The following SAMMSON variants were observed in gnomAD, a reference collection of about 807,000 sequenced individuals.
SAMMSON encodes survival associated mitochondrial melanoma specific oncogenic non-coding RNA.
chr3:70,166,205 T>C (rs1248231063), intron 4 of SAMMSON, among the ~76,000 whole-genome samples: 2 of 152,076 alleles, frequency 1.3e-5, no homozygotes, highest in East Asian at 1.9e-4. Context: ...ATTAGGCAGG[T>C]CACTTAACCT....
intron 3 of SAMMSON, among the ~76,000 whole-genome samples, chr3:70,025,458 G>A (rs2067033653): frequency 6.6e-6 from 1 of 152,246 alleles, no homozygotes; most frequent in African/African-American, 2.4e-5. Context: ...GACCAGGCTG[G>A]TCTTGAACTC....
chr3:70,296,556 CCTACATTT>C (rs560022092), intron 7 of SAMMSON, among the ~76,000 whole-genome samples: 238 of 152,120 alleles, frequency 1.6e-3, no homozygotes, highest in African/African-American at 5.5e-3. Context: ...TGGAATCTAC[CCTACATTT>C]CTCTCTGTGT....
At chr3:70,195,289 GAA>G (rs1013986878) in intron 4 of SAMMSON, among the ~76,000 whole-genome samples, 1 of 152,116 alleles carries the variant, frequency 6.6e-6, no homozygotes, top group Non-Finnish European at 1.5e-5. Context: ...CTGAAAAGCA[GAA>G]AGACTTTTTC....
intron 7 of SAMMSON, among the ~76,000 whole-genome samples, chr3:70,341,828 A>G (rs1330797501): frequency 7.8e-6 from 1 of 128,676 alleles, no homozygotes; most frequent in Non-Finnish European, 1.7e-5. Flanking sequence ...AGCACACGAT[A>G]GGCACTCCAA....
intron 4 of SAMMSON, among the ~76,000 whole-genome samples, chr3:70,103,900 G>A (rs1477261102): frequency 1.3e-5 from 2 of 151,804 alleles, no homozygotes; most frequent in African/African-American, 4.8e-5. Context: ...TACAATTAAG[G>A]TCATTGAATC....
intron 6 of SAMMSON, among the ~76,000 whole-genome samples, chr3:70,274,222 T>C (rs1285905735): frequency 3.3e-5 from 5 of 151,916 alleles, no homozygotes; most frequent in Non-Finnish European, 7.4e-5. Flanking sequence ...AGAAAGACAA[T>C]TGATATGTTT....
intron 9 of SAMMSON, among the ~76,000 whole-genome samples, chr3:70,363,463 A>G (rs1702893225): frequency 6.6e-6 from 1 of 152,038 alleles, no homozygotes; most frequent in Non-Finnish European, 1.5e-5. Context: ...ACCCTCTTAA[A>G]ACTGGTAAAT....
intron 4 of SAMMSON, among the ~76,000 whole-genome samples, chr3:70,213,046 G>A (rs183442517): frequency 2.0e-5 from 3 of 151,952 alleles, no homozygotes; most frequent in East Asian, 1.9e-4. Flanking sequence ...TGGGCTCAAG[G>A]GATTCACCTG....
At chr3:70,313,410 C>T (rs143977990) in intron 7 of SAMMSON, among the ~76,000 whole-genome samples, 20 of 149,950 alleles carry the variant, frequency 1.3e-4, no homozygotes, top group Admixed American at 9.3e-4. Flanking sequence ...CCTAGGAGGT[C>T]GGGGCAGCAG....
rs558193897 is a variant in SAMMSON, at chr3:70,311,333, A to C, written n.739+20090A>C. 2.6e-5 allele frequency among the ~76,000 whole-genome samples: 4 copies of C among 152,306 alleles called. No homozygotes were observed. The East Asian group carries it at 5.8e-4, about 22-fold the overall frequency. ...AATCACAGGTTTAGCTGTATTTTCA[A>C]AAGTGCGCAAATCTGTACTCATTAG... is the stretch of plus-strand genomic sequence containing the variant. On this transcript the variant is annotated intron_variant and non_coding_transcript_variant, in intron 7 of 9. Coordinates refer to ENST00000642114, the Ensembl canonical transcript of SAMMSON.
intron 3 of SAMMSON, among the ~76,000 whole-genome samples, chr3:70,028,418 A>G (rs2067051410): frequency 6.6e-6 from 1 of 152,116 alleles, no homozygotes; most frequent in Non-Finnish European, 1.5e-5. Flanking sequence ...CATTCACACA[A>G]TTGCAGCCAG....
chr3:70,204,727 T>G (rs1244182052), intron 4 of SAMMSON: 1 of 152,024 alleles, frequency 6.6e-6, no homozygotes, highest in East Asian at 1.9e-4. Flanking sequence ...TTGGGCCCTT[T>G]CCTGATAATA....
At chr3:70,055,241 C>T (rs2067162639) in intron 3 of SAMMSON, among the ~76,000 whole-genome samples, 1 of 152,042 alleles carries the variant, frequency 6.6e-6, no homozygotes, top group African/African-American at 2.4e-5. Flanking sequence ...GGAATATATA[C>T]ATATTTAAAT....
intron 6 of SAMMSON, among the ~76,000 whole-genome samples, chr3:70,289,955 A>G (rs1702214592): frequency 6.6e-6 from 1 of 152,000 alleles, no homozygotes; most frequent in African/African-American, 2.4e-5. Context: ...CTAGTTATAC[A>G]TTCTTCTAAA....
At chr3:70,265,531 C>A (rs1458159283) in intron 6 of SAMMSON, among the ~76,000 whole-genome samples, 5 of 148,694 alleles carry the variant, frequency 3.4e-5, no homozygotes, top group South Asian at 2.2e-4. Flanking sequence ...CATGAGCGAA[C>A]CTTCCCAGCC....
intron 9 of SAMMSON, among the ~76,000 whole-genome samples, chr3:70,361,513 G>A (rs996827893): frequency 3.3e-5 from 5 of 152,166 alleles, no homozygotes; most frequent in African/African-American, 1.2e-4. Flanking sequence ...AGAGCAACAA[G>A]CCCCTTCCCC....
chr3:70,199,539 T>C (rs565788280), intron 4 of SAMMSON, among the ~76,000 whole-genome samples: 1 of 152,206 alleles, frequency 6.6e-6, no homozygotes, highest in Admixed American at 6.5e-5. Context: ...AAAAACAACA[T>C]GGTAACATTA....
At chr3:70,101,556 A>T (rs2067346456) in intron 4 of SAMMSON, among the ~76,000 whole-genome samples, 1 of 152,114 alleles carries the variant, frequency 6.6e-6, no homozygotes, top group Non-Finnish European at 1.5e-5. Context: ...ATGTCTTTTA[A>T]TTTTTTAGTG....
chr3:70,331,609 A>C (rs1301884320), intron 7 of SAMMSON, among the ~76,000 whole-genome samples: 2 of 152,240 alleles, frequency 1.3e-5, no homozygotes, highest in East Asian at 3.8e-4. Flanking sequence ...ATCTTGTCAG[A>C]GATGTGCACT....
Sources: gnomAD v4.1 joint callset for allele counts (sites outside exome capture counted in the v4.1 genomes callset) on GRCh38, gnomAD v4.1.1 for gene constraint, MANE v1.5 for transcripts, NCBI Gene and HGNC (gene_info 2026-07-23, HGNC 2026-07-21) for gene names.